Variants in SLC2A9 observed in about 807,000 individuals in gnomAD.
The protein encoded by SLC2A9 is solute carrier family 2, facilitated glucose transporter member 9.
A neutral mutation model predicts 50.6 loss-of-function variants in SLC2A9; 39 were observed. The ratio of observed to expected loss-of-function variants is 0.77; its 90% CI spans 0.60 to 1.01. SLC2A9 has a LOEUF of 1.01. SLC2A9 is among the 50% of genes least tolerant of loss of function. SLC2A9 has a pLI of 0.00. For missense variants in SLC2A9, 686 were observed against 677.6 expected (o/e 1.01, Z -0.14); for synonymous variants, 324 against 276.9 (o/e 1.17, Z -1.69).
At chr4:9,772,823 T>A (rs937904545) in intron 1 of SLC2A9, among the ~76,000 whole-genome samples, 6 of 62,480 alleles carry the variant, frequency 9.6e-5, no homozygotes, top group African/African-American at 2.8e-4. Context: ...ATTTTTTTTT[T>A]TATTTTTTTT....
intron 2 of SLC2A9, among the ~76,000 whole-genome samples, chr4:10,003,026 G>A (rs767519491): frequency 1.3e-5 from 2 of 152,174 alleles, no homozygotes; most frequent in Non-Finnish European, 2.9e-5. Context: ...AGCAAGACAG[G>A]GGGTAGAGGC....
At chr4:9,877,184 C>T (rs1426224746) in intron 10 of SLC2A9, among the ~76,000 whole-genome samples, 5 of 152,184 alleles carry the variant, frequency 3.3e-5, no homozygotes, top group Non-Finnish European at 7.4e-5. Context: ...TGGGGTGAGG[C>T]CAAGGCCACG....
chr4:9,804,081 A>C (rs922774625), intron 3 of SLC2A9, among the ~76,000 whole-genome samples: 1 of 152,248 alleles, frequency 6.6e-6, no homozygotes, highest in Non-Finnish European at 1.5e-5. Flanking sequence ...CTTCTCAAGA[A>C]GTTCATAGTT....
intron 10 of SLC2A9, among the ~76,000 whole-genome samples, chr4:9,854,925 A>G (rs150616945): frequency 6.6e-6 from 1 of 152,304 alleles, no homozygotes; most frequent in Admixed American, 6.5e-5. Context: ...TCATGTTAAA[A>G]ACCCTCCACA....
chr4:9,815,963 A>G (rs1723532132), intron 3 of SLC2A9, among the ~76,000 whole-genome samples: 1 of 152,182 alleles, frequency 6.6e-6, no homozygotes, highest in South Asian at 2.1e-4. Flanking sequence ...TGAGGTCAGG[A>G]GTTTGAGACC....
chr4:9,990,432 G>A (rs1018154619), intron 3 of SLC2A9, among the ~76,000 whole-genome samples: 3 of 152,046 alleles, frequency 2.0e-5, no homozygotes, highest in African/African-American at 7.3e-5. Flanking sequence ...CCCTTATCAG[G>A]GAAGAGACGG....
chr4:10,013,494 T>C (rs1465687011), intron 2 of SLC2A9, among the ~76,000 whole-genome samples: 1 of 152,208 alleles, frequency 6.6e-6, no homozygotes, highest in African/African-American at 2.4e-5. Context: ...CTTGGATGTA[T>C]TGGGTTCCCT....
At chr4:9,920,607 G>A in intron 6 of SLC2A9, 35 bp from the exon 7 acceptor site, 1 of 1,612,708 alleles carries the variant, frequency 6.2e-7, no homozygotes. Context: ...TTTCAGCAGG[G>A]ATTAGAGTGT....
At chr4:9,881,650 C>A (rs576044403) in intron 10 of SLC2A9, among the ~76,000 whole-genome samples, 4 of 152,358 alleles carry the variant, frequency 2.6e-5, no homozygotes, top group Non-Finnish European at 4.4e-5. Flanking sequence ...GTGGGTCACA[C>A]AAACTAGGCC....
chr4:9,941,061 G>C (rs1215758880), intron 6 of SLC2A9, among the ~76,000 whole-genome samples: 2 of 152,126 alleles, frequency 1.3e-5, no homozygotes, highest in Non-Finnish European at 2.9e-5. Flanking sequence ...AATTGCTCAA[G>C]GTCAGACATC....
At chr4:9,855,214 T>G (rs146828646) in intron 10 of SLC2A9, among the ~76,000 whole-genome samples, 1 of 152,180 alleles carries the variant, frequency 6.6e-6, no homozygotes, top group East Asian at 1.9e-4. Context: ...GAAAACCCCA[T>G]AGTCTCTGCC....
chr4:9,959,129 T>A (rs1751812275), intron 5 of SLC2A9, among the ~76,000 whole-genome samples: 1 of 151,726 alleles, frequency 6.6e-6, no homozygotes, highest in African/African-American at 2.4e-5. Flanking sequence ...GTGGATCACT[T>A]GAGGTTAGGA....
At chr4:9,898,346 A>G (rs1030918882) in intron 8 of SLC2A9, among the ~76,000 whole-genome samples, 1 of 152,260 alleles carries the variant, frequency 6.6e-6, no homozygotes, top group Non-Finnish European at 1.5e-5. Context: ...GGGCAAGAAA[A>G]TATCGCCTAA....
At chr4:9,938,384 G>C (rs1185414791) in intron 6 of SLC2A9, among the ~76,000 whole-genome samples, 1 of 147,936 alleles carries the variant, frequency 6.8e-6, no homozygotes, top group Non-Finnish European at 1.5e-5. Context: ...CCATTCTCTT[G>C]CCTCAGCCTC....
At chr4:9,880,694 C>G (rs972843143) in intron 10 of SLC2A9, among the ~76,000 whole-genome samples, 3 of 152,172 alleles carry the variant, frequency 2.0e-5, no homozygotes, top group Non-Finnish European at 2.9e-5. Flanking sequence ...TGACATTTAC[C>G]GTTTCTTCTG....
intron 5 of SLC2A9, among the ~76,000 whole-genome samples, chr4:9,956,372 C>T (rs148432389): frequency 2.6e-4 from 40 of 151,802 alleles, no homozygotes; most frequent in East Asian, 2.4e-3. Context: ...CCCAGCTACT[C>T]GGGAGGCTGA....
chr4:9,914,601 G>A (rs1173864886), intron 7 of SLC2A9, among the ~76,000 whole-genome samples: 2 of 152,188 alleles, frequency 1.3e-5, no homozygotes, highest in Non-Finnish European at 1.5e-5. Context: ...AATCTCCAAG[G>A]CAGGGCAATT....
intron 10 of SLC2A9, among the ~76,000 whole-genome samples, chr4:9,839,885 G>A (rs1332956741): frequency 6.6e-6 from 1 of 152,004 alleles, no homozygotes; most frequent in Non-Finnish European, 1.5e-5. Context: ...TACTAGGCTT[G>A]GTACCTGGGT....
At chr4:9,893,275 G>A (rs1290808081) in intron 8 of SLC2A9, among the ~76,000 whole-genome samples, 1 of 151,946 alleles carries the variant, frequency 6.6e-6, no homozygotes, top group East Asian at 1.9e-4. Flanking sequence ...TTCACTTGAA[G>A]GCTAGGAGCC....
Sources: gnomAD v4.1 joint callset for allele counts (sites outside exome capture counted in the v4.1 genomes callset) on GRCh38, gnomAD v4.1.1 for gene constraint, MANE v1.5 for transcripts, NCBI Gene and HGNC (gene_info 2026-07-23, HGNC 2026-07-21) for gene names.